Variants in SMC2 observed in about 807,000 individuals in gnomAD.
The protein encoded by SMC2 is structural maintenance of chromosomes protein 2.
Under a neutral mutation model 142.6 loss-of-function variants are expected in SMC2, and 41 were observed. The ratio of observed to expected loss-of-function variants is 0.29; its 90% CI spans 0.22 to 0.37. SMC2 has a LOEUF of 0.37. Among genes scored for constraint, SMC2 ranks in the 10% least tolerant of loss-of-function variants. The pLI is 1.00. For synonymous variants in SMC2, 463 were observed against 457.5 expected, an observed-to-expected ratio of 1.01 and a Z score of -0.15; for missense variants, 1,265 against 1,373.7, an observed-to-expected ratio of 0.92 and a Z score of 1.25.
intron 17 of SMC2, among the ~76,000 whole-genome samples, chr9:104,123,991 G>T (rs958936811): frequency 6.6e-6 from 1 of 152,208 alleles, no homozygotes; most frequent in Non-Finnish European, 1.5e-5. Context: ...AGTAGTGTAA[G>T]AAATTGTGCG....
chr9:104,118,212 A>G lies in SMC2; in HGVS notation c.1833A>G (p.Glu611=), dbSNP rs958700363. ...DNVHVALSLV[E]YKPELQKAME... ...TTCATGTGGCTCTTTCCTTGGTTGAATATAAACCAGAACTTCAGAAAGCAA... is the reference window on the plus strand; with the variant it reads ...TTCATGTGGCTCTTTCCTTGGTTGAGTATAAACCAGAACTTCAGAAAGCAA... Residue 611 remains glutamate, a synonymous_variant, in exon 15 of 25, where the codon GAA becomes GAG. Coordinates refer to ENST00000374793, the MANE Select transcript of SMC2 (RefSeq NM_006444.3). 3.1e-6 allele frequency: 5 copies of G among 1,613,722 alleles called. No individual in the cohort carries two copies. In the African/African-American group the frequency reaches 4.0e-5, roughly 13 times the overall value.
chr9:104,131,536 T>C (rs1490291307), intron 21 of SMC2, among the ~76,000 whole-genome samples: 1 of 152,090 alleles, frequency 6.6e-6, no homozygotes, highest in East Asian at 1.9e-4. Flanking sequence ...AGGTCCAATT[T>C]ATGTGGTTCC....
In SMC2 at chr9:104,098,581, A is replaced by T. The variant is rs775009187; in HGVS notation, c.441+13A>T. Reference sequence around the variant, plus strand: ...TCTCATCATGCAGGTATTTCGTTTGAGGTCTTTATATCACTTTCGTAATAG... The same window carrying T: ...TCTCATCATGCAGGTATTTCGTTTGTGGTCTTTATATCACTTTCGTAATAG... On this transcript the variant is annotated intron_variant, in intron 4 of 24. Coordinates refer to ENST00000374793, the MANE Select transcript of SMC2 (RefSeq NM_006444.3). 21 of 1,583,132 alleles carry T rather than the reference A, an allele frequency of 1.3e-5. No individual in the cohort carries two copies. Among genetic ancestry groups the T allele is most frequent in the Non-Finnish European group, 1.7e-5 (20 of 1,170,018 alleles).
intron 4 of SMC2, among the ~76,000 whole-genome samples, chr9:104,099,199 G>T (rs781703309): frequency 1.3e-5 from 2 of 151,974 alleles, no homozygotes; most frequent in Non-Finnish European, 2.9e-5. Flanking sequence ...TGGTTTTCTG[G>T]CATTGATGTA....
chr9:104,132,664 A>C (rs1478671803), intron 22 of SMC2, among the ~76,000 whole-genome samples: 1 of 152,030 alleles, frequency 6.6e-6, no homozygotes, highest in Non-Finnish European at 1.5e-5. Flanking sequence ...ATTCTGTAGG[A>C]ACTCTATCTT....
chr9:104,094,151 T>A (rs1181309832), upstream of SMC2: 1 of 380,456 alleles, frequency 2.6e-6, no homozygotes, highest in East Asian at 3.7e-5. Context: ...TGCCGGGGAG[T>A]CCCCGGAGCT....
At chr9:104,100,548 A>C (rs1830996665) in intron 7 of SMC2, 115 bp downstream of exon 7, 2 of 673,422 alleles carry the variant, frequency 3.0e-6, no homozygotes, top group African/African-American at 3.7e-5. Context: ...CTGCGATGAG[A>C]TAAGGAATTA....
chr9:104,134,080 T>G (rs1171747935), intron 22 of SMC2, among the ~76,000 whole-genome samples: 2 of 152,156 alleles, frequency 1.3e-5, no homozygotes, highest in Admixed American at 1.3e-4. Flanking sequence ...GTCAAAACTT[T>G]GGACTAGAGT....
chr9:104,119,624 G>A (rs940773512), intron 15 of SMC2, among the ~76,000 whole-genome samples: 35 of 152,110 alleles, frequency 2.3e-4, no homozygotes, highest in Non-Finnish European at 3.4e-4. Context: ...TCTCTGTCTT[G>A]AACATATTTT....
chr9:104,093,351 T>C (rs1054035462), upstream of SMC2, among the ~76,000 whole-genome samples: 1 of 152,142 alleles, frequency 6.6e-6, no homozygotes, highest in Non-Finnish European at 1.5e-5. Flanking sequence ...CTAGATTCTA[T>C]GCATGAAGCC....
At chr9:104,094,898 G>C (rs1044667353) in intron 1 of SMC2, 152 of 108,668 alleles carry the variant, frequency 1.4e-3, no homozygotes, top group African/African-American at 6.7e-3. Flanking sequence ...CCGAGTGAAG[G>C]ATTGTGGAGA....
At chr9:104,095,050 T>G (rs964361299) in intron 1 of SMC2, among the ~76,000 whole-genome samples, 2 of 152,108 alleles carry the variant, frequency 1.3e-5, no homozygotes, top group African/African-American at 4.8e-5. Flanking sequence ...ATCCATAGTC[T>G]TTGTTTAGGT....
In SMC2 at chr9:104,139,309, A is replaced by G. The variant is rs772096915; in HGVS notation, c.3588A>G (p.Glu1196=). 6.3e-7 allele frequency: 1 copy of G among 1,576,090 alleles called. No individual in the cohort carries two copies. The highest frequency in any genetic ancestry group is 8.6e-7 in the Non-Finnish European group (1 of 1,168,578). The part of the protein sequence containing the change: ...KAKPPKGAHV[E]V ...AACCACCCAAAGGAGCACATGTGGA[A>G]GTTTAAACTACAAAGTTATTTCTTC... Residue 1196 remains glutamate (E), a synonymous_variant, in exon 25 of 25, where the codon GAA becomes GAG. Transcript: ENST00000374793.
At chr9:104,095,666 T>C in intron 2 of SMC2, 114 bp downstream of exon 2, 1 of 747,786 alleles carries the variant, frequency 1.3e-6, no homozygotes, top group Non-Finnish European at 2.2e-6. Context: ...TTTTGTAAAT[T>C]ACACCTCACT....
Position 104,123,079 on chromosome 9 carries a change from C to A in SMC2, c.2133-29C>A. 2.5e-6 allele frequency: 4 copies of A among 1,581,932 alleles called. No individual in the cohort carries two copies. The South Asian group carries it at 3.5e-5, about 14-fold the overall frequency. ...TCTCAAATACCAGAAAAATGACAGT[C>A]ATTTCTTACATGTTTCTGTTTTTGT... On this transcript the variant is annotated intron_variant, in intron 16 of 24. Transcript: ENST00000374793.
At chr9:104,107,794 A>AGTGCATT (rs1336266802) in intron 9 of SMC2, among the ~76,000 whole-genome samples, 3 of 152,246 alleles carry the variant, frequency 2.0e-5, no homozygotes, top group African/African-American at 7.2e-5. Context: ...AGACTAGGCG[A>AGTGCATT]GTGCATTGTG....
chr9:104,125,260 C>T (rs1357343712), intron 18 of SMC2, among the ~76,000 whole-genome samples, 155 bp downstream of exon 18: 1 of 152,084 alleles, frequency 6.6e-6, no homozygotes, highest in African/African-American at 2.4e-5. Context: ...TCTTACAAGT[C>T]AAAGGAGTAT....
In SMC2 at chr9:104,134,384, A is replaced by G. The variant is rs780611990; in HGVS notation, c.3109-31A>G. The stretch of plus-strand genomic sequence containing the variant: ...TTGATTCTTCTTGGAAAGCATCCTG[A>G]TGTTTTAACTTTTTTATTTTTTAAA... On this transcript the variant is annotated intron_variant, in intron 22 of 24. Coordinates refer to ENST00000374793, the MANE Select transcript of SMC2 (RefSeq NM_006444.3). 3.9e-6 allele frequency: 6 copies of G among 1,529,382 alleles called. No individual in the cohort carries two copies. In the South Asian group the frequency reaches 7.4e-5, roughly 19 times the overall value. 94.7% of individuals were successfully genotyped at this position (1,529,382 alleles called of 1,614,324 possible).
the SMC2 span, among the ~76,000 whole-genome samples, chr9:104,088,357 C>T: frequency 6.6e-6 from 1 of 152,104 alleles, no homozygotes; most frequent in African/African-American, 2.4e-5. Flanking sequence ...TATTAAATAT[C>T]TACTATGTGA....
Sources: gnomAD v4.1 joint callset for allele counts (sites outside exome capture counted in the v4.1 genomes callset) on GRCh38, gnomAD v4.1.1 for gene constraint, MANE v1.5 for transcripts, NCBI Gene and HGNC (gene_info 2026-07-23, HGNC 2026-07-21) for gene names.